The following TAB1 variants were observed in gnomAD, a reference collection of about 807,000 sequenced individuals.
TAB1 encodes TGF-beta activated kinase 1 (MAP3K7) binding protein 1, also known as TGF-beta-activated kinase 1 and MAP3K7-binding protein 1.
Under a neutral mutation model 54.5 loss-of-function variants are expected in TAB1, and 30 were observed. The ratio of observed to expected loss-of-function variants is 0.55; its 90% CI spans 0.41 to 0.75. TAB1 has a LOEUF of 0.75. TAB1 is among the 30% of genes least tolerant of loss of function. The pLI is 0.00. For synonymous variants in TAB1, 289 were observed against 286.9 expected, an observed-to-expected ratio of 1.01 and a Z score of -0.07; for missense variants, 609 against 683.2, an observed-to-expected ratio of 0.89 and a Z score of 1.21.
chr22:39,429,181 C>T, intron 10 of TAB1: 2 of 985,446 alleles, frequency 2.0e-6, no homozygotes, highest in Non-Finnish European at 2.4e-6. Flanking sequence ...TGGTGCTGGG[C>T]AGCGCTAACA....
chr22:39,435,990 A>T (rs1379547000), downstream of TAB1, among the ~76,000 whole-genome samples: 1 of 152,200 alleles, frequency 6.6e-6, no homozygotes, highest in Non-Finnish European at 1.5e-5. Flanking sequence ...TTAAAAAAAT[A>T]AAAATAACTA....
intron 8 of TAB1, among the ~76,000 whole-genome samples, chr22:39,422,426 T>TTTTTG (rs1364587511): frequency 4.9e-5 from 7 of 144,140 alleles, no homozygotes; most frequent in Admixed American, 1.4e-4. Context: ...TTTTTTTTTT[T>TTTTTG]GAGACAGCGT....
At chr22:39,404,029 G>A (rs1926260558) in intron 1 of TAB1, among the ~76,000 whole-genome samples, 2 of 152,168 alleles carry the variant, frequency 1.3e-5, no homozygotes, top group Non-Finnish European at 1.5e-5. Context: ...GGTGCGAGAA[G>A]GTGTCTTGGC....
At chr22:39,411,067 CT>C (rs1297532016) in intron 1 of TAB1, among the ~76,000 whole-genome samples, 1 of 151,790 alleles carries the variant, frequency 6.6e-6, no homozygotes, top group Non-Finnish European at 1.5e-5. Flanking sequence ...AAAAGCTAGT[CT>C]TTTCAACAAA....
chr22:39,435,146 T>C (rs1927736985), downstream of TAB1, among the ~76,000 whole-genome samples: 1 of 152,204 alleles, frequency 6.6e-6, no homozygotes, highest in East Asian at 1.9e-4. Flanking sequence ...CCCCCGAGTT[T>C]TGGGGTTTGT....
chr22:39,416,828 T>C lies in TAB1; in HGVS notation c.362T>C (p.Ile121Thr). Residue 121 changes from isoleucine to threonine, a missense_variant, in exon 4 of 11, where the codon ATT becomes ACT. Ile to Thr is a moderately conservative substitution (Grantham distance 89). Transcript: ENST00000216160. The stretch of plus-strand genomic sequence containing the variant: ...GTGGAGAGGAGCTTCCTGGAGTCCA[T>C]TGACGACGCCTTGGCTGAGAAGGCA... ...DVVERSFLESIDDALAEKASL... is the reference protein window; with the variant it reads ...DVVERSFLESTDDALAEKASL... The C allele has an allele frequency of 6.2e-7, 1 of 1,614,232 alleles. No individual in the cohort carries two copies. The highest frequency in any genetic ancestry group is 8.5e-7 in the Non-Finnish European group (1 of 1,180,046).
downstream of TAB1, chr22:39,436,599 T>A: frequency 6.4e-6 from 10 of 1,557,426 alleles, no homozygotes; most frequent in Non-Finnish European, 8.9e-6. Context: ...CAAGGGGCCC[T>A]CTGGGAGCTG....
intron 1 of TAB1, among the ~76,000 whole-genome samples, chr22:39,407,403 T>TA (rs1172036313): frequency 6.6e-6 from 1 of 152,188 alleles, no homozygotes; most frequent in African/African-American, 2.4e-5. Context: ...TTACTCTGTC[T>TA]AACTGCCTGG....
rs538915852 is a variant in TAB1 at position 39,429,421 on chromosome 22, C to T, written c.1308-594C>T. 1.9e-5 allele frequency: 18 copies of T among 950,132 alleles called. No homozygotes were observed. The African/African-American group carries it at 3.2e-4, about 17-fold the overall frequency. The allele number at this position is 950,132 out of a possible 1,614,324, so 58.9% of individuals were successfully genotyped here. On this transcript the variant is annotated intron_variant, in intron 10 of 10. Transcript: ENST00000216160. ...CGGGAGTGCTCGCGTGGGTGCTGTC[C>T]TGTCACGGCGTCTCTAGCCACTTGT...
intron 1 of TAB1, among the ~76,000 whole-genome samples, chr22:39,407,247 A>G (rs561447475): frequency 6.6e-6 from 1 of 152,202 alleles, no homozygotes; most frequent in African/African-American, 2.4e-5. Context: ...GTTGATTTGC[A>G]TACTTTGATT....
chr22:39,413,135 C>T (rs1474404614), intron 1 of TAB1, among the ~76,000 whole-genome samples: 2 of 151,926 alleles, frequency 1.3e-5, no homozygotes, highest in African/African-American at 4.8e-5. Flanking sequence ...AGGATGGTCT[C>T]GATCTTCTGA....
rs762013018 is a variant in TAB1 at position 39,428,065 on chromosome 22, G to A, written c.1189G>A (p.Ala397Thr). The change falls in exon 10 of 11, where the codon GCC becomes ACC. Residue 397 changes from alanine to threonine, a missense_variant. Transcript: ENST00000216160. ...CCCTGTGTCTGTGCCATACTCCAGC[G>A]CCCAGAGCACCAGCAAGACCAGCGT... ...VYPVSVPYSS[A>T]QSTSKTSVTL... 2.1e-5 allele frequency: 34 copies of A among 1,613,280 alleles called. No homozygotes were observed. In the Admixed American group the frequency reaches 5.0e-4, roughly 24 times the overall value.
Position 39,415,346 on chromosome 22 carries a change from C to A in TAB1, c.171-154C>A, listed in dbSNP as rs1926778411. 1.3e-5 allele frequency among the ~76,000 whole-genome samples: 2 copies of A among 152,136 alleles called. No individual in the cohort carries two copies. Among genetic ancestry groups the A allele is most frequent in the African/African-American group, 2.4e-5 (1 of 41,424 alleles). On this transcript the variant is annotated intron_variant, in intron 2 of 10. Transcript: ENST00000216160. The surrounding 1 kb of genome is among the most constrained non-coding windows in gnomAD (Gnocchi z 4.9). ...AGGAGGGTATCCCAGAATGTCATAG[C>A]CAGAGTGAAATGATGGCTAAAGCAG... is the stretch of plus-strand genomic sequence containing the variant.
In TAB1 at chr22:39,413,544, G is replaced by A. The variant is rs145763192; in HGVS notation, c.34-1462G>A. Among the ~76,000 whole-genome samples, 1,404 of 152,098 alleles carry A rather than the reference G, an allele frequency of 9.2e-3. 28 individuals carry two copies. The highest frequency in any genetic ancestry group is 0.031 in the African/African-American group (1,295 of 41,470). The stretch of plus-strand genomic sequence containing the variant: ...CGATTCTCCTGCCTCAGCCTCCCCA[G>A]TAGCTGGGATTACAGGCATGCACCA... On this transcript the variant is annotated intron_variant, in intron 1 of 10. Transcript: ENST00000216160.
chr22:39,399,881 C>A, intron 1 of TAB1, 46 bp downstream of exon 1: 1 of 1,566,736 alleles, frequency 6.4e-7, no homozygotes, highest in Non-Finnish European at 8.7e-7. Flanking sequence ...GGAGCCTGGG[C>A]GGGGGTGCTG....
chr22:39,411,840 A>T (rs1170949090), intron 1 of TAB1, among the ~76,000 whole-genome samples: 1 of 152,216 alleles, frequency 6.6e-6, no homozygotes, highest in Non-Finnish European at 1.5e-5. Flanking sequence ...CCTTCAGTGG[A>T]TGAATGGATA....
chr22:39,419,591 A>T lies in TAB1; in HGVS notation c.737A>T (p.Tyr246Phe), dbSNP rs570371531. The T allele has an allele frequency of 6.2e-7, 1 of 1,613,110 alleles. No individual in the cohort carries two copies. The highest frequency in any genetic ancestry group is 2.2e-5 in the East Asian group (1 of 44,854). Residue 246 changes from tyrosine to phenylalanine, a missense_variant, in exon 7 of 11, where the codon TAC (tyrosine) becomes TTC (phenylalanine). By Grantham distance (22) the Tyr-to-Phe change is conservative. Transcript: ENST00000216160. ...GQESTRRIGD[Y>F]KVKYGYTDID... The stretch of plus-strand genomic sequence containing the variant: ...GAGAGCACCCGGCGGATCGGGGATT[A>T]CAAGGTTAAATATGGCTACACGGAC...
chr22:39,433,128 C>T (rs1023834695), downstream of TAB1: 14 of 985,228 alleles, frequency 1.4e-5, no homozygotes, highest in Admixed American at 2.5e-4. Context: ...AGAAGCCCAT[C>T]CCCCACCTCC....
chr22:39,433,760 G>A, downstream of TAB1: 1 of 985,444 alleles, frequency 1.0e-6, no homozygotes, highest in African/African-American at 1.7e-5. Flanking sequence ...AGCGACTCCA[G>A]GCTGCTCAGA....
Sources: allele counts gnomAD v4.1 joint callset (sites outside exome capture counted in the v4.1 genomes callset), GRCh38; gene constraint gnomAD v4.1.1; non-coding constraint Gnocchi (gnomAD v3.1); transcripts MANE v1.5; gene names NCBI Gene and HGNC (gene_info 2026-07-23, HGNC 2026-07-21).